ATXN7L1: variants seen among roughly 807,000 people sequenced by gnomAD.
ATXN7L1 encodes the protein ataxin 7 like 1, also known as ataxin-7-like protein 1.
ATXN7L1 carries 15 observed loss-of-function variants against 70.8 expected under a neutral mutation model. The ratio of observed to expected loss-of-function variants is 0.21; its 90% confidence interval spans 0.14 to 0.33. The LOEUF (loss-of-function observed/expected upper bound fraction) is 0.33, where lower values mean the gene tolerates loss of function less well. Ranked by LOEUF, ATXN7L1 falls within the 10% of genes least tolerant of loss-of-function variation. The probability of loss-of-function intolerance (pLI) is 1.00; values close to 1 mark genes in which losing one functional copy is unlikely to be tolerated. For synonymous variants in ATXN7L1, 440 were observed against 445.1 expected (o/e 0.99, Z 0.14); for missense variants, 975 against 1,097.1 (o/e 0.89, Z 1.57).
At chr7:105,657,594 G>T (rs894659877) in intron 4 of ATXN7L1, among the ~76,000 whole-genome samples, 6 of 151,310 alleles carry the variant, frequency 4.0e-5, no homozygotes, top group Admixed American at 3.3e-4. Flanking sequence ...CTACCTGGGA[G>T]GTTGAGGTGG....
At chr7:105,715,405 G>A (rs1335306782) in intron 3 of ATXN7L1, among the ~76,000 whole-genome samples, 5 of 152,332 alleles carry the variant, frequency 3.3e-5, no homozygotes, top group East Asian at 1.9e-4. Flanking sequence ...AGCAGCCTCG[G>A]TACTTCCTCA....
intron 8 of ATXN7L1, among the ~76,000 whole-genome samples, chr7:105,620,882 G>A (rs1554390378): frequency 4.5e-5 from 1 of 22,042 alleles, no homozygotes; most frequent in African/African-American, 8.5e-5. Flanking sequence ...GTGACAGGCT[G>A]AGACTGTCTC....
chr7:105,700,803 T>G (rs1792354962), intron 3 of ATXN7L1, among the ~76,000 whole-genome samples: 1 of 152,022 alleles, frequency 6.6e-6, no homozygotes, highest in Non-Finnish European at 1.5e-5. Flanking sequence ...CACCCCAGCC[T>G]CCCCAGTAGC....
intron 3 of ATXN7L1, among the ~76,000 whole-genome samples, chr7:105,758,205 G>T (rs1314725170): frequency 6.6e-6 from 1 of 152,154 alleles, no homozygotes; most frequent in Non-Finnish European, 1.5e-5. Flanking sequence ...TATGTGAAGG[G>T]GGAAGCAGAA....
chr7:105,658,583 T>C (rs1801064827), intron 4 of ATXN7L1, among the ~76,000 whole-genome samples: 1 of 93,328 alleles, frequency 1.1e-5, no homozygotes, highest in Non-Finnish European at 2.1e-5. Flanking sequence ...CAGGCTGGAG[T>C]GCAGTGCCAG....
intron 4 of ATXN7L1, among the ~76,000 whole-genome samples, chr7:105,646,183 T>A (rs1054833490): frequency 6.6e-6 from 1 of 151,988 alleles, no homozygotes; most frequent in Non-Finnish European, 1.5e-5. Flanking sequence ...CATGGTGGCA[T>A]GTGCCTGTAG....
At chr7:105,648,850 G>T (rs1377881395) in intron 4 of ATXN7L1, among the ~76,000 whole-genome samples, 1 of 149,150 alleles carries the variant, frequency 6.7e-6, no homozygotes, top group Non-Finnish European at 1.5e-5. Context: ...GAATCCAAAA[G>T]GTTCTAACCC....
chr7:105,866,800 A>T (rs974067012), intron 2 of ATXN7L1, among the ~76,000 whole-genome samples: 1 of 152,194 alleles, frequency 6.6e-6, no homozygotes, highest in Non-Finnish European at 1.5e-5. Context: ...CCTCTCCATT[A>T]CGGCTATGTT....
intron 3 of ATXN7L1, among the ~76,000 whole-genome samples, chr7:105,675,173 A>G (rs1804439522): frequency 6.6e-6 from 1 of 152,148 alleles, no homozygotes; most frequent in African/African-American, 2.4e-5. Flanking sequence ...AAAAAATACT[A>G]CAAGCAACCT....
intron 4 of ATXN7L1, among the ~76,000 whole-genome samples, chr7:105,651,452 A>C (rs923670327): frequency 1.3e-4 from 20 of 152,168 alleles, no homozygotes; most frequent in Non-Finnish European, 2.6e-4. Context: ...AATCATGGTC[A>C]CCATCAGAAA....
In ATXN7L1 at chr7:105,759,444, T is replaced by C. The variant is rs989706279; in HGVS notation, c.355+29160A>G. Among the ~76,000 whole-genome samples the C allele has an allele frequency of 4.6e-5, 5 of 109,440 alleles. No individual in the cohort carries two copies. In the Admixed American group the frequency reaches 4.9e-4, roughly 11 times the overall value. The allele number at this position is 109,440 out of a possible 152,430, so 71.8% of individuals were successfully genotyped here. On this transcript the variant is annotated intron_variant, in intron 3 of 11. Transcript: ENST00000419735. ...CCAATAAGAAGACTGGCAGCTTGGA[T>C]AGTGAGTGTGTGTGTGTGTGTGTGT...
intron 2 of ATXN7L1, among the ~76,000 whole-genome samples, chr7:105,818,860 T>G (rs1320341719): frequency 6.6e-6 from 1 of 151,608 alleles, no homozygotes; most frequent in Non-Finnish European, 1.5e-5. Context: ...CCCTTGTTGT[T>G]AAACACATGG....
chr7:105,633,669 G>A (rs978494301), intron 7 of ATXN7L1, among the ~76,000 whole-genome samples: 6 of 152,142 alleles, frequency 3.9e-5, no homozygotes, highest in East Asian at 3.9e-4. Flanking sequence ...GCCATGAGCC[G>A]AGATCAAGAC....
At chr7:105,671,231 C>T (rs1803613243) in intron 3 of ATXN7L1, among the ~76,000 whole-genome samples, 1 of 150,388 alleles carries the variant, frequency 6.6e-6, no homozygotes, top group African/African-American at 2.5e-5. Context: ...TGCAGTGAGC[C>T]TGGATTACAC....
chr7:105,850,422 T>C (rs536076813), intron 2 of ATXN7L1, among the ~76,000 whole-genome samples: 2 of 152,368 alleles, frequency 1.3e-5, no homozygotes, highest in South Asian at 4.1e-4. Context: ...AAAGGAAATG[T>C]TCACTGCGCA....
intron 5 of ATXN7L1, among the ~76,000 whole-genome samples, chr7:105,641,069 G>A (rs891527607): frequency 6.6e-6 from 1 of 152,122 alleles, no homozygotes; most frequent in African/African-American, 2.4e-5. Flanking sequence ...AAAGCTTTGA[G>A]GGTCATGGGG....
At chr7:105,692,191 A>G (rs945487922) in intron 3 of ATXN7L1, among the ~76,000 whole-genome samples, 1 of 152,158 alleles carries the variant, frequency 6.6e-6, no homozygotes, top group African/African-American at 2.4e-5. Context: ...CACATGACAC[A>G]CTGCGGTTAT....
chr7:105,645,166 A>T (rs184532151), intron 4 of ATXN7L1, among the ~76,000 whole-genome samples: 10 of 152,284 alleles, frequency 6.6e-5, no homozygotes, highest in Admixed American at 5.2e-4. Flanking sequence ...GATGGAAAAA[A>T]AAGTTCTGGA....
At chr7:105,862,309 A>C (rs773110512) in intron 2 of ATXN7L1, among the ~76,000 whole-genome samples, 70 of 152,044 alleles carry the variant, frequency 4.6e-4, no homozygotes, top group Non-Finnish European at 7.1e-4. Context: ...GGGGGCGTGC[A>C]CCTGTGGCCC....
Sources: allele counts gnomAD v4.1 joint callset (sites outside exome capture counted in the v4.1 genomes callset), GRCh38; gene constraint gnomAD v4.1.1; transcripts MANE v1.5; gene names NCBI Gene and HGNC (gene_info 2026-07-23, HGNC 2026-07-21).